CPA6: variants seen among roughly 807,000 people sequenced by gnomAD.
The protein encoded by CPA6 is carboxypeptidase A6.
Under a neutral mutation model 63.3 loss-of-function variants are expected in CPA6, and 58 were observed. That is an observed-to-expected ratio of 0.92 (90% confidence interval 0.74 to 1.14). The LOEUF (loss-of-function observed/expected upper bound fraction) is 1.14, where lower values mean the gene tolerates loss of function less well. CPA6 is among the 50% of genes most tolerant of loss of function. The pLI is 0.00. For missense variants in CPA6, 565 were observed against 526.6 expected (o/e 1.07, Z -0.71); for synonymous variants, 185 against 179.0 (o/e 1.03, Z -0.27).
intron 2 of CPA6, among the ~76,000 whole-genome samples, chr8:67,547,634 A>G (rs1238272605): frequency 6.6e-6 from 1 of 151,756 alleles, no homozygotes; most frequent in Non-Finnish European, 1.5e-5. Flanking sequence ...AGCTGGGCCC[A>G]CAGGTGAATG....
chr8:67,713,359 TG>T (rs1462701557), intron 1 of CPA6, among the ~76,000 whole-genome samples: 1 of 151,844 alleles, frequency 6.6e-6, no homozygotes, highest in African/African-American at 2.4e-5. Flanking sequence ...CTACCATACC[TG>T]GAGTTTGGTT....
At chr8:67,677,911 G>A (rs1816511656) in intron 1 of CPA6, among the ~76,000 whole-genome samples, 1 of 151,712 alleles carries the variant, frequency 6.6e-6, no homozygotes, top group Non-Finnish European at 1.5e-5. Flanking sequence ...ACTCCCCAGG[G>A]TAGGCAAAGA....
intron 2 of CPA6, among the ~76,000 whole-genome samples, chr8:67,554,577 A>G (rs535861259): frequency 3.3e-5 from 5 of 152,288 alleles, no homozygotes; most frequent in African/African-American, 1.2e-4. Flanking sequence ...AAGTCCCACG[A>G]TAGTCTGTCT....
At chr8:67,652,866 G>A (rs1299946196) in intron 1 of CPA6, among the ~76,000 whole-genome samples, 1 of 150,994 alleles carries the variant, frequency 6.6e-6, no homozygotes, top group Non-Finnish European at 1.5e-5. Flanking sequence ...GGTTTTTATG[G>A]TTTTAGGTCT....
Position 67,746,095 on chromosome 8 carries a change from GCTGCCTGGCCC to G in CPA6, c.24_34del (p.Arg8SerfsTer23). On this transcript the variant is annotated frameshift_variant, in exon 1 of 11. Transcript: ENST00000297770. LOFTEE classifies it high-confidence loss of function. Reference sequence around the variant, plus strand: ...GAGCCAGCAAAGAGGCAGGAAAGCAGCTGCCTGGCCCCTGCGCTTCCCGAGACACTTCATAG... The same window carrying G: ...GAGCCAGCAAAGAGGCAGGAAAGCAGCTGCGCTTCCCGAGACACTTCATAG... 2 of 1,613,920 alleles carry G rather than the reference GCTGCCTGGCCC, an allele frequency of 1.2e-6. No homozygotes were observed. The highest frequency in any genetic ancestry group is 1.7e-6 in the Non-Finnish European group (2 of 1,179,830).
intron 8 of CPA6, among the ~76,000 whole-genome samples, chr8:67,439,154 G>C (rs1283883879): frequency 6.6e-6 from 1 of 152,044 alleles, no homozygotes; most frequent in Non-Finnish European, 1.5e-5. Context: ...AAATTAGCCA[G>C]GTATGGTGGC....
chr8:67,472,721 C>T (rs931811548), intron 8 of CPA6, among the ~76,000 whole-genome samples: 1 of 152,092 alleles, frequency 6.6e-6, no homozygotes, highest in Non-Finnish European at 1.5e-5. Flanking sequence ...AACCATTGCG[C>T]CTGGCTTGTA....
At chr8:67,689,962 G>A (rs1816782934) in intron 1 of CPA6, among the ~76,000 whole-genome samples, 1 of 152,070 alleles carries the variant, frequency 6.6e-6, no homozygotes, top group Non-Finnish European at 1.5e-5. Context: ...TTTCATAATG[G>A]CCATTCTGAC....
chr8:67,723,983 G>T (rs1193087378), intron 1 of CPA6, among the ~76,000 whole-genome samples: 2 of 152,046 alleles, frequency 1.3e-5, no homozygotes, highest in East Asian at 3.9e-4. Flanking sequence ...TGACAGATTG[G>T]TAAAGAAGCA....
intron 1 of CPA6, among the ~76,000 whole-genome samples, chr8:67,731,325 A>G (rs1051516910): frequency 3.9e-5 from 6 of 152,266 alleles, no homozygotes; most frequent in African/African-American, 1.4e-4. Flanking sequence ...TTGAGAAACT[A>G]TGCAGTGTGG....
chr8:67,424,480 G>A (rs771642418), intron 10 of CPA6, among the ~76,000 whole-genome samples: 9 of 152,042 alleles, frequency 5.9e-5, no homozygotes, highest in Non-Finnish European at 1.3e-4. Context: ...TTTTACATGC[G>A]TCACCTCTTG....
rs1816418430 is a variant in CPA6 at position 67,674,191 on chromosome 8, A to C, written c.117-49940T>G. On this transcript the variant is annotated intron_variant, in intron 1 of 10. Coordinates refer to ENST00000297770, the MANE Select transcript of CPA6 (RefSeq NM_020361.5). ...ATAGCTAGTGAGTGGCAGAGCCAGG[A>C]TTTGAACTGAAGTCTGATTTCAGGG... 1.3e-5 allele frequency among the ~76,000 whole-genome samples: 2 copies of C among 152,214 alleles called. 1 individual carries two copies. Among genetic ancestry groups the C allele is most frequent in the South Asian group, 4.1e-4 (2 of 4,834 alleles).
At chr8:67,518,379 G>A (rs1812191523) in intron 2 of CPA6, among the ~76,000 whole-genome samples, 2 of 151,936 alleles carry the variant, frequency 1.3e-5, no homozygotes, top group South Asian at 2.1e-4. Context: ...TTGAATAATT[G>A]TAAGAAAAAA....
chr8:67,640,032 G>A (rs146090486), intron 1 of CPA6, among the ~76,000 whole-genome samples: 102 of 151,352 alleles, frequency 6.7e-4, no homozygotes, highest in Admixed American at 1.4e-3. Context: ...GTAGCTGGTC[G>A]TCCCATCATC....
intron 1 of CPA6, among the ~76,000 whole-genome samples, chr8:67,663,571 G>A (rs1387161797): frequency 1.3e-5 from 2 of 151,818 alleles, no homozygotes; most frequent in Non-Finnish European, 2.9e-5. Context: ...CCTTCCCTGT[G>A]TCCATGTGTT....
At chr8:67,588,351 C>T (rs1408511654) in intron 2 of CPA6, among the ~76,000 whole-genome samples, 1 of 152,090 alleles carries the variant, frequency 6.6e-6, no homozygotes, top group Non-Finnish European at 1.5e-5. Flanking sequence ...AATACTACTG[C>T]GGGTAGGCCT....
chr8:67,565,456 G>A (rs1813315043), intron 2 of CPA6, among the ~76,000 whole-genome samples: 1 of 152,132 alleles, frequency 6.6e-6, no homozygotes, highest in African/African-American at 2.4e-5. Flanking sequence ...ACCTCTGTTA[G>A]GCTAAGGACC....
At chr8:67,574,344 C>A (rs1813567981) in intron 2 of CPA6, among the ~76,000 whole-genome samples, 1 of 150,096 alleles carries the variant, frequency 6.7e-6, no homozygotes, top group African/African-American at 2.5e-5. Context: ...CCACTGCACT[C>A]CAGCCTGGGC....
intron 8 of CPA6, among the ~76,000 whole-genome samples, chr8:67,471,666 G>A (rs758828969): frequency 3.9e-5 from 6 of 151,982 alleles, no homozygotes; most frequent in African/African-American, 9.7e-5. Context: ...ATACCTCAGC[G>A]TTTCAAACAA....
Sources: gnomAD v4.1 joint callset for allele counts (sites outside exome capture counted in the v4.1 genomes callset) on GRCh38, gnomAD v4.1.1 for gene constraint, MANE v1.5 for transcripts, NCBI Gene and HGNC (gene_info 2026-07-23, HGNC 2026-07-21) for gene names.